The following STON1 variants were observed in gnomAD, a reference collection of about 807,000 sequenced individuals.
The protein encoded by STON1 is stonin-1.
Under a neutral mutation model 60.9 loss-of-function variants are expected in STON1, and 79 were observed. The observed-to-expected ratio is 1.30, with a 90% confidence interval of 1.08 to 1.56. STON1 has a LOEUF of 1.56. Ranked by LOEUF, STON1 falls within the 40% of genes most tolerant of loss-of-function variation. STON1 has a pLI of 0.00. For synonymous variants in STON1, 363 were observed against 306.9 expected (o/e 1.18, Z -1.91); for missense variants, 1,166 against 858.9 (o/e 1.36, Z -4.47).
chr2:48,564,558 CTTCTTCTT>C (rs1672827893), intron 1 of STON1, among the ~76,000 whole-genome samples: 1 of 52,304 alleles, frequency 1.9e-5, no homozygotes, highest in African/African-American at 6.9e-5. Flanking sequence ...TCTTCTTCTT[CTTCTTCTT>C]CTCCTTCTCC....
At chr2:48,543,277 A>G (rs1050331142) in intron 1 of STON1, among the ~76,000 whole-genome samples, 1 of 151,926 alleles carries the variant, frequency 6.6e-6, no homozygotes, top group African/African-American at 2.4e-5. Context: ...ACCCGGCCAT[A>G]TCTTGATATT....
intron 1 of STON1, among the ~76,000 whole-genome samples, chr2:48,544,755 C>A (rs1342413957): frequency 6.6e-6 from 1 of 152,160 alleles, no homozygotes; most frequent in Non-Finnish European, 1.5e-5. Flanking sequence ...CCGTGCTGGC[C>A]AGGCTTGTCT....
chr2:48,572,425 G>C (rs942758301), intron 1 of STON1, among the ~76,000 whole-genome samples: 1 of 152,186 alleles, frequency 6.6e-6, no homozygotes. Flanking sequence ...TGGACAGTGA[G>C]GGGGTAGGAG....
rs372855343 is a variant in STON1, at chr2:48,582,540, A to G, written c.1907A>G (p.Asp636Gly). 11 of 1,608,546 alleles carry G rather than the reference A, an allele frequency of 6.8e-6. No individual in the cohort carries two copies. The highest frequency in any genetic ancestry group is 9.3e-6 in the Non-Finnish European group (11 of 1,177,766). The change falls in exon 2 of 4, where the codon GAT (aspartate) becomes GGT (glycine). Residue 636 changes from aspartate (D) to glycine (G), a missense_variant. Asp to Gly is a moderately conservative substitution (Grantham distance 94). Transcript: ENST00000404752. ...TACCAGGCAGTGGTATGGAAGATAG[A>G]TCGGCTTCCAGACAAAAATTCAAGT... The part of the protein sequence containing the change: ...SAYQAVVWKI[D>G]RLPDKNSSLD...
At chr2:48,554,708 TTTTTTTTTTTTTTTTTTA>T (rs1672241112) in intron 1 of STON1, among the ~76,000 whole-genome samples, 1 of 40,952 alleles carries the variant, frequency 2.4e-5, no homozygotes, top group Non-Finnish European at 5.7e-5. Flanking sequence ...AAGTGCAAAA[TTTTTTTTTTTTTTTTTTA>T]TTTATTTATT....
intron 1 of STON1, 90 bp from the exon 2 acceptor site, chr2:48,580,497 T>C (rs976742561): frequency 2.5e-6 from 3 of 1,214,370 alleles, no homozygotes; most frequent in Non-Finnish European, 3.1e-6. Context: ...ATTATAATTT[T>C]TAAGCATTTA....
In STON1 at chr2:48,581,577, T is replaced by TTAA. The variant is rs759446005; in HGVS notation, c.944_945insTAA (p.Leu315delinsPheLys). On this transcript the variant is annotated protein_altering_variant, in exon 2 of 4. Coordinates refer to ENST00000404752, the MANE Select transcript of STON1 (RefSeq NM_006873.4). ...TTGCAGATGTATTATGAACAGGGAT[T>TTAA]AGAAAAACCATTTAAAGAGATACAG... is the stretch of plus-strand genomic sequence containing the variant. The TTAA allele has an allele frequency of 6.2e-7, 1 of 1,614,190 alleles. No individual in the cohort carries two copies. The highest frequency in any genetic ancestry group is 8.5e-7 in the Non-Finnish European group (1 of 1,180,048).
chr2:48,536,318 TGG>T (rs1277880489), intron 1 of STON1, among the ~76,000 whole-genome samples: 4 of 152,092 alleles, frequency 2.6e-5, no homozygotes, highest in African/African-American at 7.2e-5. Context: ...GAGGCCAAGG[TGG>T]GCAGATCACC....
chr2:48,538,346 C>CCACT (rs1483325601), intron 1 of STON1, among the ~76,000 whole-genome samples: 1 of 152,058 alleles, frequency 6.6e-6, no homozygotes, highest in African/African-American at 2.4e-5. Flanking sequence ...ATCATCTGAA[C>CCACT]CACTTATAAA....
chr2:48,593,734 C>T (rs938229079), intron 3 of STON1, among the ~76,000 whole-genome samples: 4 of 152,082 alleles, frequency 2.6e-5, no homozygotes, highest in Admixed American at 6.6e-5. Flanking sequence ...TACATGACAT[C>T]GCTAATATCA....
chr2:48,549,155 A>G (rs1235543100), intron 1 of STON1, among the ~76,000 whole-genome samples: 6 of 152,236 alleles, frequency 3.9e-5, no homozygotes, highest in African/African-American at 9.6e-5. Flanking sequence ...TATCCGGGAA[A>G]CAATCCCAGG....
chr2:48,579,210 G>A (rs935718008), intron 1 of STON1, among the ~76,000 whole-genome samples: 1 of 151,824 alleles, frequency 6.6e-6, no homozygotes, highest in Admixed American at 6.6e-5. Flanking sequence ...TCTCCATGTT[G>A]GCCAGGCTGG....
chr2:48,587,005 C>A (rs546515266), intron 2 of STON1, among the ~76,000 whole-genome samples: 2 of 152,130 alleles, frequency 1.3e-5, no homozygotes, highest in Non-Finnish European at 2.9e-5. Context: ...TGCCATTAGC[C>A]GAGATAGCCT....
rs201248705 is a variant in STON1, at chr2:48,581,298, A to C, written c.665A>C (p.Asn222Thr). 1 of 1,523,686 alleles carries C rather than the reference A, an allele frequency of 6.6e-7. No homozygotes were observed. The highest frequency in any genetic ancestry group is 1.4e-5 in the African/African-American group (1 of 71,778). The allele number at this position is 1,523,686 out of a possible 1,614,324, so 94.4% of individuals were successfully genotyped here. A position where few individuals can be genotyped will look rare whatever the true frequency, so the allele number is the denominator to read the frequency against. The change falls in exon 2 of 4, where the codon AAT becomes ACT. Residue 222 changes from asparagine (N) to threonine (T), a missense_variant. Physicochemically the swap from Asn to Thr is moderately conservative, Grantham distance 65. Transcript: ENST00000404752. ...ATGCCTATTGACCAAAAAAGCCTAA[A>C]TAAGTGTTCACTCAACTATATCTGT... Reference protein sequence around the residue: ...KEMPIDQKSLNKCSLNYICEK... With the variant: ...KEMPIDQKSLTKCSLNYICEK...
At chr2:48,546,057 C>T (rs550872681) in intron 1 of STON1, among the ~76,000 whole-genome samples, 23 of 152,172 alleles carry the variant, frequency 1.5e-4, no homozygotes, top group Non-Finnish European at 2.8e-4. Context: ...GCAGAGTTGT[C>T]AGGTTTCAAC....
chr2:48,563,399 G>A (rs1161269162), intron 1 of STON1, among the ~76,000 whole-genome samples: 4 of 152,208 alleles, frequency 2.6e-5, no homozygotes, highest in Non-Finnish European at 2.9e-5. Context: ...GTCTTGGAAA[G>A]CAAAGGCAGG....
At chr2:48,542,453 C>T (rs568494717) in intron 1 of STON1, among the ~76,000 whole-genome samples, 11 of 152,176 alleles carry the variant, frequency 7.2e-5, no homozygotes, top group African/African-American at 4.8e-5. Flanking sequence ...ACAGTAATAA[C>T]AAAATCCACC....
At position 48,581,354 on chromosome 2, in the gene STON1, A is replaced by T; in HGVS notation, c.721A>T (p.Asn241Tyr). The T allele has an allele frequency of 6.4e-7, 1 of 1,561,680 alleles. No individual in the cohort carries two copies. Among genetic ancestry groups the T allele is most frequent in the Non-Finnish European group, 8.7e-7 (1 of 1,155,390 alleles). ...GCTTGAACATCTCCAGTCAGCTGAG[A>T]ACCAAGACTCACTTAGAAGTTTGTC... ...EKLEHLQSAE[N>Y]QDSLRSLSMH... is the part of the protein sequence containing the mutation. Residue 241 changes from asparagine to tyrosine, a missense_variant, in exon 2 of 4, where the codon AAC becomes TAC. Physicochemically the swap from Asn to Tyr is moderately radical, Grantham distance 143 (BLOSUM62 -2). Transcript: ENST00000404752.
At chr2:48,558,958 C>A (rs1316707362) in intron 1 of STON1, among the ~76,000 whole-genome samples, 4 of 152,148 alleles carry the variant, frequency 2.6e-5, no homozygotes, top group Non-Finnish European at 5.9e-5. Context: ...AAAGTTAGGA[C>A]CTTTTCGAAT....
Sources: allele counts gnomAD v4.1 joint callset (sites outside exome capture counted in the v4.1 genomes callset), GRCh38; gene constraint gnomAD v4.1.1; transcripts MANE v1.5; gene names NCBI Gene and HGNC (gene_info 2026-07-23, HGNC 2026-07-21).